SNAPC3: variants seen among roughly 807,000 people sequenced by gnomAD.
SNAPC3 encodes the protein snRNA-activating protein complex subunit 3.
A neutral mutation model predicts 47.7 loss-of-function variants in SNAPC3; 56 were observed. The observed-to-expected ratio is 1.18, with a 90% confidence interval of 0.95 to 1.47. The LOEUF (loss-of-function observed/expected upper bound fraction) is 1.47, where lower values mean the gene tolerates loss of function less well. SNAPC3 is among the 40% of genes most tolerant of loss of function. SNAPC3 has a pLI of 0.00. For missense variants in SNAPC3, 665 were observed against 511.3 expected, an observed-to-expected ratio of 1.30 and a Z score of -2.90; for synonymous variants, 235 against 189.9, an observed-to-expected ratio of 1.24 and a Z score of -1.95.
rs1190700768 is a variant in SNAPC3 at position 15,461,607 on chromosome 9, TAAA to T, written c.*1742_*1744del. Reference sequence around the variant, plus strand: ...TTTCAAATGCATCATTTAAAATAAATAAATTCCACTTTCTCTCTCCTAGGTTGT... The same window carrying T: ...TTTCAAATGCATCATTTAAAATAAATTTCCACTTTCTCTCTCCTAGGTTGT... On this transcript the variant is annotated 3_prime_UTR_variant, in exon 9 of 9. Coordinates refer to ENST00000380821, the MANE Select transcript of SNAPC3 (RefSeq NM_001039697.2). The T allele has an allele frequency of 6.6e-6, 1 of 152,206 alleles. No individual in the cohort carries two copies. The highest frequency in any genetic ancestry group is 2.4e-5 in the African/African-American group (1 of 41,452). The allele number at this position is 152,206 out of a possible 1,614,324, so 9.4% of individuals were successfully genotyped here.
chr9:15,429,114 A>G (rs2031821640), intron 2 of SNAPC3, among the ~76,000 whole-genome samples: 1 of 152,260 alleles, frequency 6.6e-6, no homozygotes, highest in Admixed American at 6.5e-5. Context: ...CAAAAAGAAC[A>G]TATAACTTAC....
chr9:15,447,036 G>A, intron 4 of SNAPC3, 59 bp from the exon 5 acceptor site: 1 of 1,432,674 alleles, frequency 7.0e-7, no homozygotes, highest in Non-Finnish European at 9.8e-7. Context: ...GTCATGACAG[G>A]ATTTGTAGTT....
intron 3 of SNAPC3, among the ~76,000 whole-genome samples, chr9:15,434,804 T>C (rs978745688): frequency 2.0e-5 from 3 of 152,254 alleles, no homozygotes; most frequent in African/African-American, 7.2e-5. Flanking sequence ...CTATCTATTG[T>C]ATGTATACAC....
intron 3 of SNAPC3, among the ~76,000 whole-genome samples, chr9:15,434,247 T>C (rs909220933): frequency 1.3e-5 from 2 of 152,142 alleles, no homozygotes; most frequent in Admixed American, 6.5e-5. Flanking sequence ...TCCAGAACTT[T>C]TTCATCATCC....
intron 5 of SNAPC3, among the ~76,000 whole-genome samples, chr9:15,448,587 C>T (rs555105838): frequency 1.3e-5 from 2 of 152,248 alleles, no homozygotes; most frequent in South Asian, 4.1e-4. Flanking sequence ...TAATGTGTGT[C>T]CGTCTGCTCC....
chr9:15,449,838 T>C (rs935933632), intron 5 of SNAPC3, among the ~76,000 whole-genome samples: 5 of 151,948 alleles, frequency 3.3e-5, no homozygotes, highest in Non-Finnish European at 7.4e-5. Flanking sequence ...CCCAAAGTGC[T>C]GAGCCACCAG....
chr9:15,453,242 T>G, intron 7 of SNAPC3, 37 bp downstream of exon 7: 2 of 1,498,622 alleles, frequency 1.3e-6, no homozygotes, highest in South Asian at 2.5e-5. Context: ...GTTACCTTTT[T>G]TTTTCTTTAT....
chr9:15,424,450 C>G (rs974722107), intron 2 of SNAPC3, among the ~76,000 whole-genome samples: 4 of 152,014 alleles, frequency 2.6e-5, no homozygotes, highest in Admixed American at 1.3e-4. Flanking sequence ...AAGGACAGTT[C>G]TTGTTTTTAA....
At chr9:15,451,460 T>C (rs1183641064) in intron 6 of SNAPC3, 58 bp downstream of exon 6, 5 of 762,134 alleles carry the variant, frequency 6.6e-6, no homozygotes, top group Non-Finnish European at 1.1e-5. Context: ...CAAAGTAGTG[T>C]TATCTCCACA....
chr9:15,448,186 G>T (rs1322734555), intron 5 of SNAPC3, among the ~76,000 whole-genome samples: 1 of 151,970 alleles, frequency 6.6e-6, no homozygotes, highest in Admixed American at 6.6e-5. Flanking sequence ...TTTTTTCCTG[G>T]GTCCTGTTCC....
intron 8 of SNAPC3, 70 bp downstream of exon 8, chr9:15,458,137 C>A: frequency 1.3e-6 from 1 of 771,324 alleles, no homozygotes; most frequent in South Asian, 1.9e-5. Context: ...TTGTTTTCCA[C>A]TTTGGATCTA....
chr9:15,423,500 G>C (rs1271079326), intron 1 of SNAPC3, among the ~76,000 whole-genome samples: 2 of 152,144 alleles, frequency 1.3e-5, no homozygotes, highest in Non-Finnish European at 2.9e-5. Flanking sequence ...CAACAGCGAC[G>C]TGTACCTGCC....
Position 15,422,943 on chromosome 9 carries a change from T to C in SNAPC3, c.64T>C (p.Ser22Pro), listed in dbSNP as rs1240930117. ...GGTGGGTGGCAGGCAGGACCCAGTC[T>C]CCGGCAGTGGCGGCTGCAACTTTCC... is the stretch of plus-strand genomic sequence containing the variant. ...SGVGGRQDPV[S>P]GSGGCNFPEY... Residue 22 changes from serine (S) to proline (P), a missense_variant, in exon 1 of 9, where the codon TCC (serine) becomes CCC (proline). Coordinates refer to ENST00000380821, the MANE Select transcript of SNAPC3 (RefSeq NM_001039697.2). 29 of 1,538,172 alleles carry C rather than the reference T, an allele frequency of 1.9e-5. No individual in the cohort carries two copies. The highest frequency in any genetic ancestry group is 2.4e-5 in the Non-Finnish European group (28 of 1,146,618).
At chr9:15,430,629 A>G (rs758910590) in intron 2 of SNAPC3, among the ~76,000 whole-genome samples, 1 of 152,238 alleles carries the variant, frequency 6.6e-6, no homozygotes, top group African/African-American at 2.4e-5. Flanking sequence ...ACATGTGTTC[A>G]ATACTTACTA....
At chr9:15,440,166 T>C (rs2033195301) in intron 3 of SNAPC3, among the ~76,000 whole-genome samples, 1 of 152,236 alleles carries the variant, frequency 6.6e-6, no homozygotes, top group Admixed American at 6.5e-5. Context: ...CCATTTATTT[T>C]GCAATCATAT....
At position 15,447,252 on chromosome 9, in the gene SNAPC3, G is replaced by T. The variant is rs370410400; in HGVS notation, c.732+8G>T. The T allele has an allele frequency of 1.9e-6, 3 of 1,613,254 alleles. No individual in the cohort carries two copies. The highest frequency in any genetic ancestry group is 2.5e-6 in the Non-Finnish European group (3 of 1,179,392). On this transcript the variant is annotated splice_region_variant and intron_variant, in intron 5 of 8. Coordinates refer to ENST00000380821, the MANE Select transcript of SNAPC3 (RefSeq NM_001039697.2). ...CCTGAGCACATCAGCAAAGTAAGGT[G>T]ATTTCCTCCCATAAAACAAAAGGAA...
intron 7 of SNAPC3, among the ~76,000 whole-genome samples, chr9:15,455,474 C>T (rs1402560524): frequency 2.6e-5 from 4 of 151,836 alleles, no homozygotes; most frequent in Non-Finnish European, 4.4e-5. Flanking sequence ...GAGTGAGGCA[C>T]GAGAATCACT....
At chr9:15,465,589 A>AAGGGGGAAAGGTACAACTGG (rs1361939345), downstream of SNAPC3, 1 of 1,564,336 alleles carries the variant, frequency 6.4e-7, no homozygotes, top group Non-Finnish European at 8.8e-7. Flanking sequence ...GCCTGAAGAA[A>AAGGGGGAAAGGTACAACTGG]AGGGGGAAAG....
At chr9:15,425,512 C>T (rs1171677265) in intron 2 of SNAPC3, among the ~76,000 whole-genome samples, 1 of 152,188 alleles carries the variant, frequency 6.6e-6, no homozygotes, top group Non-Finnish European at 1.5e-5. Flanking sequence ...GCCGCCACAC[C>T]TTGCCCATAC....
Sources: allele counts gnomAD v4.1 joint callset (sites outside exome capture counted in the v4.1 genomes callset), GRCh38; gene constraint gnomAD v4.1.1; transcripts MANE v1.5; gene names NCBI Gene and HGNC (gene_info 2026-07-23, HGNC 2026-07-21).